ERC1: variants seen among roughly 807,000 people sequenced by gnomAD.
ERC1 encodes the protein ELKS/RAB6-interacting/CAST family member 1.
In ERC1, 56 loss-of-function variants were observed where a neutral mutation model predicts 132.0. The observed-to-expected ratio is 0.42, with a 90% confidence interval of 0.34 to 0.53. The LOEUF (loss-of-function observed/expected upper bound fraction) is 0.53, where lower values mean the gene tolerates loss of function less well. Ranked by LOEUF, ERC1 falls within the 20% of genes least tolerant of loss-of-function variation. ERC1 has a pLI of 0.03. For synonymous variants in ERC1, 478 were observed against 476.1 expected (o/e 1.00, Z -0.05); for missense variants, 1,202 against 1,349.9 (o/e 0.89, Z 1.72).
chr12:1,230,302 CTT>C (rs949739166), intron 12 of ERC1, among the ~76,000 whole-genome samples: 74 of 152,220 alleles, frequency 4.9e-4, no homozygotes, highest in African/African-American at 1.8e-3. Context: ...CTTGGCCTGA[CTT>C]TTTGACTCTC....
intron 2 of ERC1, among the ~76,000 whole-genome samples, chr12:1,067,926 CTTT>C (rs71441641): frequency 1.1e-3 from 128 of 120,938 alleles, no homozygotes; most frequent in East Asian, 2.3e-3. Context: ...TTAGCCACTG[CTTT>C]TTTTTTTTTT....
At chr12:1,465,706 C>T (rs1331232088) in intron 18 of ERC1, among the ~76,000 whole-genome samples, 3 of 152,148 alleles carry the variant, frequency 2.0e-5, no homozygotes, top group South Asian at 4.1e-4. Flanking sequence ...CCCGCTTCCC[C>T]TAGAGAGGTG....
chr12:1,171,347 C>G (rs1178574714), intron 8 of ERC1, among the ~76,000 whole-genome samples: 1 of 135,748 alleles, frequency 7.4e-6, no homozygotes, highest in East Asian at 2.1e-4. Context: ...ATAGTCTGGG[C>G]AAAACATTCT....
In ERC1 at chr12:1,079,707, A is replaced by G. The variant is rs1324370026; in HGVS notation, c.670-3457A>G. ...GATAGAAATGATTTGTAATATGACA[A>G]AAGTCGATATACAGAGATATAGACA... On this transcript the variant is annotated intron_variant, in intron 2 of 18. Transcript: ENST00000360905. 2.3e-5 allele frequency among the ~76,000 whole-genome samples: 3 copies of G among 130,430 alleles called. 1 individual carries two copies. Among genetic ancestry groups the G allele is most frequent in the Non-Finnish European group, 3.4e-5 (2 of 58,440 alleles). The allele number at this position is 130,430 out of a possible 152,430, so 85.6% of individuals were successfully genotyped here. A position where few individuals can be genotyped will look rare whatever the true frequency, so the allele number is the denominator to read the frequency against.
intron 15 of ERC1, among the ~76,000 whole-genome samples, chr12:1,320,826 C>T (rs1361990761): frequency 6.6e-6 from 1 of 152,100 alleles, no homozygotes; most frequent in Non-Finnish European, 1.5e-5. Flanking sequence ...CTCAGCCTCC[C>T]GAGTAGCTGG....
chr12:1,011,977 G>A (rs996679613), intron 1 of ERC1, among the ~76,000 whole-genome samples: 1 of 151,716 alleles, frequency 6.6e-6, no homozygotes, highest in African/African-American at 2.4e-5. Flanking sequence ...TCATTATTGT[G>A]TTATAAACGT....
chr12:1,425,793 G>GTAACATGAA (rs375611808), intron 17 of ERC1, among the ~76,000 whole-genome samples: 1 of 152,204 alleles, frequency 6.6e-6, no homozygotes, highest in Non-Finnish European at 1.5e-5. Context: ...GTTTTTCTGC[G>GTAACATGAA]TAACATGAAT....
chr12:1,172,776 A>G (rs1953219849), intron 8 of ERC1, among the ~76,000 whole-genome samples: 1 of 152,008 alleles, frequency 6.6e-6, no homozygotes, highest in South Asian at 2.1e-4. Flanking sequence ...TTTCAATTTT[A>G]AAACTAATTT....
intron 18 of ERC1, 144 bp from the exon 19 acceptor site, chr12:1,489,949 C>T (rs1273084316): frequency 2.1e-6 from 2 of 937,094 alleles, no homozygotes; most frequent in Non-Finnish European, 3.2e-6. Flanking sequence ...TTGATATTTG[C>T]TTTTACACTT....
Position 1,182,084 on chromosome 12 carries a change from G to C in ERC1, c.2016+19G>C. 1 of 1,610,094 alleles carries C rather than the reference G, an allele frequency of 6.2e-7. No homozygotes were observed. Among genetic ancestry groups the C allele is most frequent in the Non-Finnish European group, 8.5e-7 (1 of 1,177,970 alleles). Reference sequence around the variant, plus strand: ...GAAAGAGGTTAAGCTCCCCAAAATGGAATTAGTTTGTTTGCTTAATCATTG... The same window carrying C: ...GAAAGAGGTTAAGCTCCCCAAAATGCAATTAGTTTGTTTGCTTAATCATTG... On this transcript the variant is annotated intron_variant, in intron 10 of 18. Coordinates refer to ENST00000360905, the MANE Select transcript of ERC1 (RefSeq NM_178040.4).
intron 1 of ERC1, 115 bp from the exon 2 acceptor site, chr12:1,027,633 G>A (rs113814088): frequency 4.5e-4 from 189 of 420,284 alleles, no homozygotes; most frequent in African/African-American, 3.1e-3. Flanking sequence ...TTCTGAATGC[G>A]TGAGTACATA....
At chr12:1,181,706 C>A (rs755204007) in intron 9 of ERC1, among the ~76,000 whole-genome samples, 1 of 151,602 alleles carries the variant, frequency 6.6e-6, no homozygotes, top group African/African-American at 2.4e-5. Flanking sequence ...TCGCTTGAAC[C>A]CGAGAGGCAG....
intron 18 of ERC1, among the ~76,000 whole-genome samples, chr12:1,448,734 T>C (rs2093361617): frequency 6.6e-6 from 1 of 152,236 alleles, no homozygotes; most frequent in African/African-American, 2.4e-5. Flanking sequence ...TCTTTTTCAA[T>C]GCTAGGGCAG....
chr12:1,225,835 T>A (rs779296709), intron 12 of ERC1, among the ~76,000 whole-genome samples: 9 of 152,234 alleles, frequency 5.9e-5, no homozygotes, highest in Non-Finnish European at 1.3e-4. Context: ...AAGGAATTTC[T>A]GCACCATTTA....
chr12:1,232,146 A>G (rs546606753), intron 12 of ERC1, among the ~76,000 whole-genome samples: 86 of 152,102 alleles, frequency 5.7e-4, no homozygotes, highest in African/African-American at 2.1e-3. Context: ...TGAGAAATCC[A>G]CTGATTGCCT....
intron 1 of ERC1, among the ~76,000 whole-genome samples, chr12:993,897 A>G (rs980361113): frequency 2.6e-5 from 4 of 151,652 alleles, no homozygotes; most frequent in African/African-American, 7.3e-5. Flanking sequence ...GCGAGATTCC[A>G]TCTCAAAAAA....
chr12:1,475,553 G>A (rs776376950), intron 18 of ERC1, among the ~76,000 whole-genome samples: 11 of 152,162 alleles, frequency 7.2e-5, no homozygotes, highest in Non-Finnish European at 1.2e-4. Flanking sequence ...TGTGTAGGAA[G>A]TAAGATTGTC....
rs573779854 is a variant in ERC1, at chr12:1,003,442, C to G, written c.-157+12120C>G. ...AGTGCTGACTCTGTATTTTGCTAATCAAGCCTTATAATAATTTTATCTGTA... is the reference window on the plus strand; with the variant it reads ...AGTGCTGACTCTGTATTTTGCTAATGAAGCCTTATAATAATTTTATCTGTA... On this transcript the variant is annotated intron_variant, in intron 1 of 18. Transcript: ENST00000360905. Among the ~76,000 whole-genome samples, 3 of 152,314 alleles carry G rather than the reference C, an allele frequency of 2.0e-5. No individual in the cohort carries two copies. The East Asian group carries it at 5.8e-4, about 29-fold the overall frequency.
At chr12:1,301,543 T>C (rs1468606240) in intron 15 of ERC1, among the ~76,000 whole-genome samples, 3 of 152,144 alleles carry the variant, frequency 2.0e-5, no homozygotes, top group Non-Finnish European at 4.4e-5. Context: ...GAGGTCATTA[T>C]CCTTAGCAAA....
Sources: gnomAD v4.1 joint callset for allele counts (sites outside exome capture counted in the v4.1 genomes callset) on GRCh38, gnomAD v4.1.1 for gene constraint, MANE v1.5 for transcripts, NCBI Gene and HGNC (gene_info 2026-07-23, HGNC 2026-07-21) for gene names.